The following DYSF variants were observed in gnomAD, a reference collection of about 807,000 sequenced individuals.
DYSF encodes the protein dystrophy-associated fer-1-like 1.
DYSF carries 212 observed loss-of-function variants against 274.9 expected under a neutral mutation model. The ratio of observed to expected loss-of-function variants is 0.77; its 90% CI spans 0.69 to 0.86. DYSF has a LOEUF of 0.86. Among genes scored for constraint, DYSF ranks in the 40% least tolerant of loss-of-function variants. The probability of loss-of-function intolerance (pLI) is 0.00; values close to 1 mark genes in which losing one functional copy is unlikely to be tolerated. For synonymous variants in DYSF, 1,091 were observed against 1,078.7 expected, an observed-to-expected ratio of 1.01 and a Z score of -0.22; for missense variants, 2,666 against 2,783.2, an observed-to-expected ratio of 0.96 and a Z score of 0.95.
rs368460619 is a variant in DYSF, at chr2:71,570,249, C to A, written c.3000C>A (p.Pro1000=). Residue 1000 remains proline (P), a synonymous_variant, in exon 28 of 56, where the codon CCC becomes CCA. Transcript: ENST00000410020. ...CTTAGAACGGGGAGAAGGTGCTTCCCAAGGATGACATTGAGTGCCCACTGG... is the reference window on the plus strand; with the variant it reads ...CTTAGAACGGGGAGAAGGTGCTTCCAAAGGATGACATTGAGTGCCCACTGG... ...YTDVNGEKVL[P]KDDIECPLGW... 2.7e-5 allele frequency: 44 copies of A among 1,613,970 alleles called. No homozygotes were observed. Among genetic ancestry groups the A allele is most frequent in the African/African-American group, 4.0e-5 (3 of 74,872 alleles).
intron 45 of DYSF, among the ~76,000 whole-genome samples, chr2:71,661,966 G>T (rs556758386): frequency 6.6e-6 from 1 of 152,108 alleles, no homozygotes; most frequent in Admixed American, 6.5e-5. Flanking sequence ...AGGGGCTGGC[G>T]CAGGACCTCA....
At position 71,602,808 on chromosome 2, in the gene DYSF, G is replaced by A; in HGVS notation, c.3957+3G>A. 2 of 1,613,200 alleles carry A rather than the reference G, an allele frequency of 1.2e-6. No individual in the cohort carries two copies. Among genetic ancestry groups the A allele is most frequent in the South Asian group, 1.1e-5 (1 of 90,858 alleles). On this transcript the variant is annotated splice_donor_region_variant and intron_variant, in intron 36 of 55. Transcript: ENST00000410020. ...AGACATCAAGGATCCTGGATGAGGT[G>A]AGCTGGGCGTGGTGGTTGGGATGGG...
chr2:71,523,505 C>T (rs1251975603), intron 12 of DYSF, among the ~76,000 whole-genome samples: 4 of 150,326 alleles, frequency 2.7e-5, no homozygotes, highest in Admixed American at 6.6e-5. Context: ...TAACTTCTTA[C>T]GTTATACTTC....
chr2:71,618,745 AGGT>A lies in DYSF; in HGVS notation c.4465-1796_4465-1794del, dbSNP rs529127846. On this transcript the variant is annotated intron_variant, in intron 40 of 55. Transcript: ENST00000410020. ...AGAGGTGGGTGTGTATGTGGAGTAG[AGGT>A]GGTGGGTGTGTGTCCGTGTGAGTGT... Among the ~76,000 whole-genome samples the A allele has an allele frequency of 1.7e-3, 253 of 150,684 alleles. 1 individual carries two copies. The highest frequency in any genetic ancestry group is 5.9e-3 in the African/African-American group (242 of 40,922).
chr2:71,509,263 A>G (rs1251248045), intron 4 of DYSF, among the ~76,000 whole-genome samples: 1 of 152,172 alleles, frequency 6.6e-6, no homozygotes, highest in Non-Finnish European at 1.5e-5. Context: ...CCCAGGCTCA[A>G]GTGATTCTCC....
intron 33 of DYSF, among the ~76,000 whole-genome samples, chr2:71,599,676 G>A (rs897443850): frequency 1.7e-4 from 26 of 152,258 alleles, no homozygotes; most frequent in Non-Finnish European, 1.2e-4. Context: ...TCCACTGGGC[G>A]CAAGGTAAAG....
chr2:71,617,706 T>G (rs1232677758), intron 40 of DYSF, among the ~76,000 whole-genome samples: 52 of 46,158 alleles, frequency 1.1e-3, no homozygotes, highest in South Asian at 1.6e-3. Context: ...GCGTGTGTGG[T>G]AGAGGTGGGG....
At chr2:71,522,783 C>T (rs149255064) in intron 12 of DYSF, among the ~76,000 whole-genome samples, 3 of 152,284 alleles carry the variant, frequency 2.0e-5, no homozygotes, top group Admixed American at 6.5e-5. Context: ...GTTCCCCATC[C>T]CGTATTAGGT....
chr2:71,547,539 G>A (rs1237421248), intron 17 of DYSF, among the ~76,000 whole-genome samples: 7 of 152,196 alleles, frequency 4.6e-5, no homozygotes, highest in Admixed American at 4.6e-4. Flanking sequence ...CTACTTGGGA[G>A]GCTGAGGCAG....
chr2:71,562,503 C>G (rs995687089), intron 23 of DYSF, among the ~76,000 whole-genome samples: 1 of 152,192 alleles, frequency 6.6e-6, no homozygotes, highest in African/African-American at 2.4e-5. Flanking sequence ...GCAGACCCTC[C>G]CCCTGAGGTC....
chr2:71,599,998 C>A (rs1220295292), intron 33 of DYSF, among the ~76,000 whole-genome samples: 1 of 151,788 alleles, frequency 6.6e-6, no homozygotes, highest in African/African-American at 2.4e-5. Context: ...GGCCCTGGCA[C>A]CTTCGGAGCA....
At chr2:71,602,724 C>T (rs1319189713) in intron 35 of DYSF, 52 bp from the exon 36 acceptor site, 2 of 1,599,252 alleles carry the variant, frequency 1.3e-6, no homozygotes, top group Non-Finnish European at 1.7e-6. Flanking sequence ...TTTCCCCTTC[C>T]AACCCCTCTC....
chr2:71,526,089 A>C, intron 12 of DYSF, 131 bp from the exon 13 acceptor site: 2 of 1,525,558 alleles, frequency 1.3e-6, no homozygotes, highest in Non-Finnish European at 1.8e-6. Flanking sequence ...ACGCGGTAGT[A>C]AGTGTCGGAG....
At chr2:71,628,018 TTG>T (rs2094240235) in intron 41 of DYSF, among the ~76,000 whole-genome samples, 1 of 152,154 alleles carries the variant, frequency 6.6e-6, no homozygotes, top group African/African-American at 2.4e-5. Flanking sequence ...TAGATTCTAT[TTG>T]TGTTTAATGC....
At chr2:71,460,120 A>G (rs906625722) in intron 1 of DYSF, among the ~76,000 whole-genome samples, 9 of 152,144 alleles carry the variant, frequency 5.9e-5, no homozygotes, top group Non-Finnish European at 1.0e-4. Flanking sequence ...CACTCACATA[A>G]TAGTTGAATG....
chr2:71,554,875 T>G (rs1573956002), intron 21 of DYSF, among the ~76,000 whole-genome samples: 1 of 150,980 alleles, frequency 6.6e-6, no homozygotes, highest in East Asian at 2.0e-4. Flanking sequence ...CTAAGGGAGG[T>G]GAGGAGGCTG....
rs1171896487 is a variant in DYSF, at chr2:71,669,189, G to A, written c.5624G>A (p.Ser1875Asn). Reference protein sequence around the residue: ...DDLSLTGEKMSDIYVKGWMIG... With the variant: ...DDLSLTGEKMNDIYVKGWMIG... The stretch of plus-strand genomic sequence containing the variant: ...CTGAGCCTCACGGGGGAGAAGATGA[G>A]CGACATTTATGTGAAAGGGTAGGGA... Residue 1875 changes from serine to asparagine, a missense_variant, in exon 50 of 56, where the codon AGC (serine) becomes AAC (asparagine). This residue lies in a region of DYSF where 1,460 missense variants were observed against 1,502.1 expected (regional missense o/e 0.97). Transcript: ENST00000410020. 3.1e-6 allele frequency: 5 copies of A among 1,609,086 alleles called. No homozygotes were observed. The South Asian group carries it at 3.3e-5, about 11-fold the overall frequency.
intron 16 of DYSF, among the ~76,000 whole-genome samples, chr2:71,536,966 C>A (rs538478744): frequency 6.6e-6 from 1 of 152,110 alleles, no homozygotes; most frequent in Admixed American, 6.5e-5. Context: ...CATTAAAAAA[C>A]CAAACCAAAC....
At chr2:71,568,963 C>T (rs982339077) in intron 26 of DYSF, among the ~76,000 whole-genome samples, 2 of 150,338 alleles carry the variant, frequency 1.3e-5, no homozygotes, top group African/African-American at 5.0e-5. Flanking sequence ...ACCTCCACCT[C>T]CCGGGTTCAC....
Sources: gnomAD v4.1 joint callset for allele counts (sites outside exome capture counted in the v4.1 genomes callset) on GRCh38, gnomAD v4.1.1 for gene constraint, gnomAD v4.1.1 regional missense constraint, MANE v1.5 for transcripts, NCBI Gene and HGNC (gene_info 2026-07-23, HGNC 2026-07-21) for gene names.